USP42: variants seen among roughly 807,000 people sequenced by gnomAD.
USP42 encodes ubiquitin carboxyl-terminal hydrolase 42.
USP42 carries 23 observed loss-of-function variants against 113.0 expected under a neutral mutation model. That is an observed-to-expected ratio of 0.20 (90% CI 0.15 to 0.29). The LOEUF is 0.29. USP42 is among the 10% of genes least tolerant of loss of function. The pLI is 1.00. For synonymous variants in USP42, 933 were observed against 699.0 expected (o/e 1.33, Z -5.28); for missense variants, 2,174 against 1,779.8 (o/e 1.22, Z -3.99).
chr7:6,105,474 C>A (rs1024443865), intron 1 of USP42, among the ~76,000 whole-genome samples: 56 of 143,776 alleles, frequency 3.9e-4, no homozygotes, highest in Non-Finnish European at 6.2e-5. Flanking sequence ...GCCCGCCCGC[C>A]GCCCCCCGCG....
Position 6,154,185 on chromosome 7 carries a change from G to A in USP42, c.2631G>A (p.Gly877=), listed in dbSNP as rs201039486. 1 of 1,600,372 alleles carries A rather than the reference G, an allele frequency of 6.2e-7. No individual in the cohort carries two copies. The highest frequency in any genetic ancestry group is 1.7e-5 in the Admixed American group (1 of 59,464). The part of the protein sequence containing the change: ...CEQPLLVHPS[G]DHARDAQDPS... ...AGCCACTCCTTGTTCACCCCAGCGG[G>A]GACCACGCCCGGGACGCTCAGGACC... Residue 877 remains glycine (G), a synonymous_variant, in exon 15 of 18, where the codon GGG becomes GGA. Transcript: ENST00000306177.
At position 6,154,534 on chromosome 7, in the gene USP42, C is replaced by A. The variant is rs887470560; in HGVS notation, c.2980C>A (p.His994Asn). 7.1e-6 allele frequency: 11 copies of A among 1,543,584 alleles called. No individual in the cohort carries two copies. In the African/African-American group the frequency reaches 1.4e-4, roughly 19 times the overall value. The change falls in exon 15 of 18, where the codon CAC becomes AAC. Residue 994 changes from histidine to asparagine, a missense_variant. His to Asn is a moderately conservative substitution (Grantham distance 68). Coordinates refer to ENST00000306177, the MANE Select transcript of USP42 (RefSeq NM_032172.3). ...CPRERDRQDR[H>N]APEHHPGHGD... ...CCGGGAGCGCGACCGCCAGGACCGC[C>A]ACGCCCCGGAGCACCACCCCGGCCA...
At chr7:6,082,601 C>CTGTTTTTTTTTTTTT in the USP42 span, among the ~76,000 whole-genome samples, 2 of 96,996 alleles carry the variant, frequency 2.1e-5, no homozygotes, top group African/African-American at 7.4e-5. Flanking sequence ...TTCTTTCTTT[C>CTGTTTTTTTTTTTTT]TGTTTTTTTT....
the USP42 span, among the ~76,000 whole-genome samples, chr7:6,083,223 CTTATTTAT>C: frequency 0.31 from 40,440 of 130,504 alleles, 6,791 homozygotes; most frequent in South Asian, 0.39. Context: ...CCGCACCCAG[CTTATTTAT>C]TTATTTATTT....
intron 3 of USP42, among the ~76,000 whole-genome samples, chr7:6,125,684 G>C (rs762208080): frequency 6.6e-6 from 1 of 151,820 alleles, no homozygotes; most frequent in Non-Finnish European, 1.5e-5. Flanking sequence ...TTACCTACTT[G>C]TTTACTGTTT....
the USP42 span, among the ~76,000 whole-genome samples, chr7:6,092,047 CTTCTTCTTTCTTCTTCTTCTTCT>C: frequency 1.9e-3 from 146 of 77,720 alleles, 1 homozygote; most frequent in African/African-American, 6.1e-3. Context: ...TCTTCTTCTT[CTTCTTCTTTCTTCTTCTTCTTCT>C]TCTTCCTCTT....
intron 15 of USP42, among the ~76,000 whole-genome samples, chr7:6,156,178 C>A (rs1782436407): frequency 6.6e-6 from 1 of 152,096 alleles, no homozygotes; most frequent in South Asian, 2.1e-4. Context: ...GGAAAGATTA[C>A]CAAAAGCCAT....
At position 6,139,737 on chromosome 7, in the gene USP42, G is replaced by A; in HGVS notation, c.657-391G>A. 3.2e-6 allele frequency: 1 copy of A among 314,828 alleles called. No individual in the cohort carries two copies. Among genetic ancestry groups the A allele is most frequent in the Non-Finnish European group, 6.0e-6 (1 of 165,354 alleles). 19.5% of individuals were successfully genotyped at this position (314,828 alleles called of 1,614,324 possible). A position where few individuals can be genotyped will look rare whatever the true frequency, so the allele number is the denominator to read the frequency against. On this transcript the variant is annotated intron_variant, in intron 5 of 17. Transcript: ENST00000306177. This position sits in a 1 kb window ranked among gnomAD's most constrained non-coding sequence, Gnocchi z 4.5. ...CCCTGCCCTGGCACCGCCCTGTCTA[G>A]GACTTCATTGTCCGGGTGATGACAT...
In USP42 at chr7:6,139,903, A is replaced by G; in HGVS notation, c.657-225A>G. ...CTTCCCGAGTCCCTTCCTGACAGAC[A>G]CAGCTCCCACAGCTCTGCGTCTCCT... On this transcript the variant is annotated intron_variant, in intron 5 of 17. Transcript: ENST00000306177. The surrounding 1 kb of genome is among the most constrained non-coding windows in gnomAD (Gnocchi z 4.5). The G allele has an allele frequency of 8.7e-6, 5 of 573,208 alleles. No individual in the cohort carries two copies. Among genetic ancestry groups the G allele is most frequent in the South Asian group, 6.2e-5 (3 of 48,186 alleles). 35.5% of individuals were successfully genotyped at this position (573,208 alleles called of 1,614,324 possible). A position where few individuals can be genotyped will look rare whatever the true frequency, so the allele number is the denominator to read the frequency against.
Position 6,153,983 on chromosome 7 carries a change from TG to T in USP42, c.2434del (p.Asp812ThrfsTer13). 6.3e-7 allele frequency: 1 copy of T among 1,597,968 alleles called. No homozygotes were observed. On this transcript the variant is annotated frameshift_variant, in exon 15 of 18. Coordinates refer to ENST00000306177, the MANE Select transcript of USP42 (RefSeq NM_032172.3). LOFTEE classifies it high-confidence loss of function. The part of the protein sequence containing the change: ...EPPPSAGEDI[V>X]GDTAPPDLCD... ...CCGCCCAGCGCCGGCGAGGACATCG[TG>T]GGGGACACAGCACCCCCTGACCTGT...
chr7:6,126,885 C>T (rs1033759430), intron 3 of USP42, among the ~76,000 whole-genome samples: 3 of 152,172 alleles, frequency 2.0e-5, no homozygotes, highest in Middle Eastern at 3.4e-3. Flanking sequence ...GGATAAATGC[C>T]CAGGACTGCA....
In USP42 at chr7:6,159,572, G is replaced by C; in HGVS notation, c.*36+79G>C. The stretch of plus-strand genomic sequence containing the variant: ...GCAGGCAGAGGAGTTTTAATTCTGC[G>C]GCTCTGCCTGGGGGCTGGGCTCATA... On this transcript the variant is annotated intron_variant, in intron 17 of 17. Transcript: ENST00000306177. This position sits in a 1 kb window ranked among gnomAD's most constrained non-coding sequence, Gnocchi z 4.1. 7.1e-7 allele frequency: 1 copy of C among 1,413,676 alleles called. No individual in the cohort carries two copies. Among genetic ancestry groups the C allele is most frequent in the Non-Finnish European group, 9.9e-7 (1 of 1,011,034 alleles). The allele number at this position is 1,413,676 out of a possible 1,614,324, so 87.6% of individuals were successfully genotyped here.
intron 2 of USP42, among the ~76,000 whole-genome samples, chr7:6,113,733 T>A (rs1262143333): frequency 6.6e-6 from 1 of 152,022 alleles, no homozygotes; most frequent in Non-Finnish European, 1.5e-5. Flanking sequence ...ACCATTCTCC[T>A]GCCTCAGCCT....
chr7:6,131,208 A>C (rs1780834312), intron 3 of USP42, among the ~76,000 whole-genome samples: 1 of 152,148 alleles, frequency 6.6e-6, no homozygotes, highest in African/African-American at 2.4e-5. Context: ...AAAACATCAT[A>C]ATAATTCTTA....
At chr7:6,151,352 A>G (rs1782038179) in intron 14 of USP42, among the ~76,000 whole-genome samples, 1 of 152,262 alleles carries the variant, frequency 6.6e-6, no homozygotes, top group Non-Finnish European at 1.5e-5. Flanking sequence ...TACTTTATAG[A>G]CTTTTAATTT....
chr7:6,117,064 C>A, intron 3 of USP42: 1 of 303,036 alleles, frequency 3.3e-6, no homozygotes, highest in East Asian at 1.1e-4. Context: ...CCAAATTACA[C>A]ATATTTAAAA....
In USP42 at chr7:6,105,024, C is replaced by G. The variant is rs1000050211; in HGVS notation, c.-18C>G. 1 of 152,284 alleles carries G rather than the reference C, an allele frequency of 6.6e-6. No individual in the cohort carries two copies. The highest frequency in any genetic ancestry group is 1.8e-4 in the South Asian group (1 of 5,688). 9.4% of individuals were successfully genotyped at this position (152,284 alleles called of 1,614,324 possible). A position where few individuals can be genotyped will look rare whatever the true frequency, so the allele number is the denominator to read the frequency against. The stretch of plus-strand genomic sequence containing the variant: ...CGAGGGGGATGGAGCGAGCGCCGAG[C>G]CGGGTCAGGTAAGCTCCCGCCTCCT... On this transcript the variant is annotated 5_prime_UTR_variant, in exon 1 of 18. Transcript: ENST00000306177.
At chr7:6,091,978 T>C in the USP42 span, among the ~76,000 whole-genome samples, 738 of 67,960 alleles carry the variant, frequency 0.011, 69 homozygotes, top group African/African-American at 0.03. Flanking sequence ...GGACGTATTT[T>C]TTCTTCTTCT....
chr7:6,155,294 C>T (rs1426868459), intron 15 of USP42, 99 bp downstream of exon 15: 6 of 1,432,684 alleles, frequency 4.2e-6, no homozygotes, highest in Non-Finnish European at 5.5e-6. Flanking sequence ...ACCAGCCAGG[C>T]CACAGTTGTA....
Sources: allele counts gnomAD v4.1 joint callset (sites outside exome capture counted in the v4.1 genomes callset), GRCh38; gene constraint gnomAD v4.1.1; non-coding constraint Gnocchi (gnomAD v3.1); transcripts MANE v1.5; gene names NCBI Gene and HGNC (gene_info 2026-07-23, HGNC 2026-07-21).